The following GRAMD4 variants were observed in gnomAD, a reference collection of about 807,000 sequenced individuals.
GRAMD4 encodes the protein GRAM domain containing 4, also known as GRAM domain-containing protein 4.
A neutral mutation model predicts 83.9 loss-of-function variants in GRAMD4; 25 were observed. That is an observed-to-expected ratio of 0.30 (90% CI 0.22 to 0.42). The LOEUF (loss-of-function observed/expected upper bound fraction) is 0.42. GRAMD4 is among the 10% of genes least tolerant of loss of function. The probability of loss-of-function intolerance (pLI) is 1.00; values close to 1 mark genes in which losing one functional copy is unlikely to be tolerated. For missense variants in GRAMD4, 593 were observed against 788.7 expected, an observed-to-expected ratio of 0.75 and a Z score of 2.97; for synonymous variants, 336 against 320.9, an observed-to-expected ratio of 1.05 and a Z score of -0.50.
At chr22:46,604,552 C>T (rs112679816) in intron 1 of GRAMD4, among the ~76,000 whole-genome samples, 6 of 152,338 alleles carry the variant, frequency 3.9e-5, no homozygotes, top group African/African-American at 1.4e-4. Flanking sequence ...ACTGACTCTC[C>T]AGAGCCTCTC....
At chr22:46,587,318 A>G (rs1427049960) in intron 1 of GRAMD4, among the ~76,000 whole-genome samples, 1 of 152,122 alleles carries the variant, frequency 6.6e-6, no homozygotes, top group Non-Finnish European at 1.5e-5. Flanking sequence ...CATTTCACAC[A>G]TTCTCCACCC....
intron 4 of GRAMD4, among the ~76,000 whole-genome samples, chr22:46,658,627 C>G (rs974635235): frequency 1.3e-5 from 2 of 152,098 alleles, no homozygotes; most frequent in East Asian, 3.9e-4. Context: ...CCTGCAGAGC[C>G]CCAGAGCCAC....
rs1007874834 is a variant in GRAMD4 at position 46,677,497 on chromosome 22, C to T, written c.*246C>T. ...GGTGCCTCTGAGGGCCACCCGCAGACTGGGGGAGGGGGCAGAGGCCCTCGG... is the reference window on the plus strand; with the variant it reads ...GGTGCCTCTGAGGGCCACCCGCAGATTGGGGGAGGGGGCAGAGGCCCTCGG... On this transcript the variant is annotated 3_prime_UTR_variant, in exon 19 of 19. Transcript: ENST00000406902. 8.6e-6 allele frequency: 11 copies of T among 1,278,566 alleles called. No individual in the cohort carries two copies. The African/African-American group carries it at 1.6e-4, about 19-fold the overall frequency. The allele number at this position is 1,278,566 out of a possible 1,614,324, so 79.2% of individuals were successfully genotyped here. A position where few individuals can be genotyped will look rare whatever the true frequency, so the allele number is the denominator to read the frequency against.
At position 46,673,774 on chromosome 22, in the gene GRAMD4, C is replaced by T. The variant is rs201846264; in HGVS notation, c.1344C>T (p.His448=). 1.1e-5 allele frequency: 18 copies of T among 1,613,078 alleles called. No homozygotes were observed. Among genetic ancestry groups the T allele is most frequent in the Admixed American group, 5.0e-5 (3 of 60,032 alleles). The change falls in exon 15 of 19, where the codon CAC becomes CAT. Residue 448 remains histidine, a synonymous_variant. Coordinates refer to ENST00000406902, the MANE Select transcript of GRAMD4 (RefSeq NM_015124.5). ...ACAGCACCAAGAAGGGCAATTTCCA[C>T]GAGATCTTCAATCTGACAGAAAACG... ...RFHSTKKGNF[H]EIFNLTENER... is the part of the protein sequence containing the mutation.
At chr22:46,599,361 C>T (rs567700751) in intron 1 of GRAMD4, among the ~76,000 whole-genome samples, 6 of 152,084 alleles carry the variant, frequency 3.9e-5, no homozygotes, top group Non-Finnish European at 5.9e-5. Context: ...TCTTGTTCCC[C>T]GGGCTAGAGT....
chr22:46,599,321 G>GTTT (rs1367806664), intron 1 of GRAMD4, among the ~76,000 whole-genome samples: 1 of 151,536 alleles, frequency 6.6e-6, no homozygotes, highest in African/African-American at 2.4e-5. Context: ...TAGATACTAA[G>GTTT]TTGTTTTTTT....
At chr22:46,650,326 AGGGCTGCGTGTCGAGGCTGGG>A (rs2082145128) in intron 3 of GRAMD4, among the ~76,000 whole-genome samples, 1 of 123,918 alleles carries the variant, frequency 8.1e-6, no homozygotes, top group African/African-American at 3.5e-5. Flanking sequence ...GGCTGGGTGG[AGGGCTGCGTGTCGAGGCTGGG>A]TGGAGGGCTG....
intron 2 of GRAMD4, among the ~76,000 whole-genome samples, chr22:46,630,285 C>G (rs1439149103): frequency 1.3e-5 from 2 of 152,144 alleles, no homozygotes; most frequent in African/African-American, 4.8e-5. Flanking sequence ...CTCAGCCTCC[C>G]AGAGTGCTGG....
intron 1 of GRAMD4, among the ~76,000 whole-genome samples, chr22:46,597,552 C>T (rs8142773): frequency 0.55 from 83,392 of 151,940 alleles, 23,733 homozygotes; most frequent in African/African-American, 0.6. Context: ...TGCAGTGGCG[C>T]GATCCCGGCT....
At chr22:46,593,234 C>T (rs2081227694) in intron 1 of GRAMD4, among the ~76,000 whole-genome samples, 1 of 152,056 alleles carries the variant, frequency 6.6e-6, no homozygotes. Context: ...ACTTTGAGGC[C>T]TGATGAACCA....
At chr22:46,681,250 G>A (rs1235631958), downstream of GRAMD4, among the ~76,000 whole-genome samples, 1 of 151,814 alleles carries the variant, frequency 6.6e-6, no homozygotes, top group Non-Finnish European at 1.5e-5. Context: ...GGCCTCCCAG[G>A]GGCTTCTGAG....
intron 3 of GRAMD4, among the ~76,000 whole-genome samples, chr22:46,652,413 C>T (rs1013408027): frequency 6.6e-6 from 1 of 152,196 alleles, no homozygotes; most frequent in African/African-American, 2.4e-5. Flanking sequence ...TGAGCTCAGC[C>T]CAGGGAGACC....
intron 5 of GRAMD4, among the ~76,000 whole-genome samples, chr22:46,662,141 C>T (rs1240651670): frequency 2.6e-5 from 4 of 152,268 alleles, no homozygotes; most frequent in South Asian, 2.1e-4. Flanking sequence ...CACCTGGACC[C>T]TCCCCTTAAA....
chr22:46,611,728 T>C (rs746192145), intron 1 of GRAMD4, among the ~76,000 whole-genome samples: 1 of 151,870 alleles, frequency 6.6e-6, no homozygotes. Context: ...TGGTGGCTCA[T>C]GCCTGTAATC....
intron 2 of GRAMD4, among the ~76,000 whole-genome samples, chr22:46,630,561 G>C (rs2147185121): frequency 6.6e-6 from 1 of 152,342 alleles, no homozygotes; most frequent in African/African-American, 2.4e-5. Flanking sequence ...TGGAGGGGCA[G>C]GTTCAGACCG....
At chr22:46,597,583 G>A in intron 1 of GRAMD4, among the ~76,000 whole-genome samples, 1 of 152,076 alleles carries the variant, frequency 6.6e-6, no homozygotes, top group Non-Finnish European at 1.5e-5. Flanking sequence ...TCCGCCTCCT[G>A]GGTTCACACC....
chr22:46,630,531 G>C (rs1020245892), intron 2 of GRAMD4, among the ~76,000 whole-genome samples: 1 of 152,224 alleles, frequency 6.6e-6, no homozygotes, highest in African/African-American at 2.4e-5. Context: ...GTGCCCACCG[G>C]TAGGGTCTGA....
chr22:46,585,812 T>C (rs1408945750), intron 1 of GRAMD4, among the ~76,000 whole-genome samples: 1 of 152,094 alleles, frequency 6.6e-6, no homozygotes, highest in Non-Finnish European at 1.5e-5. Context: ...CACAGGAGTT[T>C]ATAGGACACA....
rs1457759737 is a variant in GRAMD4, at chr22:46,621,754, G to T, written c.-50+1189G>T. The stretch of plus-strand genomic sequence containing the variant: ...CGGAGGGCACCCCTACCCCGGTGCA[G>T]GCGCAGGCTGGAAGTGTAGCCCGGG... On this transcript the variant is annotated intron_variant, in intron 1 of 18. Transcript: ENST00000406902. The surrounding 1 kb of genome is among the most constrained non-coding windows in gnomAD (Gnocchi z 5.8). Among the ~76,000 whole-genome samples, 3 of 151,622 alleles carry T rather than the reference G, an allele frequency of 2.0e-5. No homozygotes were observed. Among genetic ancestry groups the T allele is most frequent in the Admixed American group, 6.5e-5 (1 of 15,284 alleles).
Sources: gnomAD v4.1 joint callset for allele counts (sites outside exome capture counted in the v4.1 genomes callset) on GRCh38, gnomAD v4.1.1 for gene constraint, Gnocchi (gnomAD v3.1) non-coding constraint, MANE v1.5 for transcripts, NCBI Gene and HGNC (gene_info 2026-07-23, HGNC 2026-07-21) for gene names.